Variants in KAT2B observed in about 807,000 individuals in gnomAD.
The protein encoded by KAT2B is lysine acetyltransferase 2B, also known as histone acetyltransferase KAT2B.
A neutral mutation model predicts 105.9 loss-of-function variants in KAT2B; 36 were observed. The observed-to-expected ratio is 0.34, with a 90% CI of 0.26 to 0.45. The LOEUF is 0.45. Ranked by LOEUF, KAT2B falls within the 20% of genes least tolerant of loss-of-function variation. The pLI, the probability that KAT2B is intolerant of heterozygous loss-of-function variation, is 1.00. For missense variants in KAT2B, 820 were observed against 1,021.6 expected (o/e 0.80, Z 2.69); for synonymous variants, 397 against 377.9 (o/e 1.05, Z -0.59).
At chr3:20,086,267 T>G (rs922210819) in intron 2 of KAT2B, among the ~76,000 whole-genome samples, 1 of 151,212 alleles carries the variant, frequency 6.6e-6, no homozygotes, top group Non-Finnish European at 1.5e-5. Flanking sequence ...AGTGAGACAC[T>G]GTCTCAAAGA....
chr3:20,107,011 ATATATT>A (rs1699030228), intron 5 of KAT2B, among the ~76,000 whole-genome samples: 1 of 24,892 alleles, frequency 4.0e-5, no homozygotes. Context: ...ATATATATAT[ATATATT>A]TTTTTTTTTT....
chr3:20,045,411 C>G (rs1489334086), intron 1 of KAT2B, among the ~76,000 whole-genome samples: 2 of 151,638 alleles, frequency 1.3e-5, no homozygotes, highest in African/African-American at 4.8e-5. Context: ...GGTACACTGG[C>G]ACGATCATAG....
intron 7 of KAT2B, among the ~76,000 whole-genome samples, chr3:20,118,314 AT>A (rs1699242951): frequency 7.0e-6 from 1 of 143,670 alleles, no homozygotes; most frequent in Non-Finnish European, 1.5e-5. Context: ...AGGTATATAT[AT>A]TTTCTCCTAA....
chr3:20,147,692 T>C (rs1699802275), intron 14 of KAT2B, among the ~76,000 whole-genome samples: 1 of 152,190 alleles, frequency 6.6e-6, no homozygotes, highest in South Asian at 2.1e-4. Flanking sequence ...AGGCCCACAG[T>C]ACTGTACATA....
Position 20,040,505 on chromosome 3 carries a change from G to C in KAT2B, c.28G>C (p.Gly10Arg). The C allele has an allele frequency of 9.7e-7, 1 of 1,029,508 alleles. No homozygotes were observed. The highest frequency in any genetic ancestry group is 1.2e-6 in the Non-Finnish European group (1 of 859,328). 63.8% of individuals were successfully genotyped at this position (1,029,508 alleles called of 1,614,324 possible). Reference protein sequence around the residue: MSEAGGAGPGGCGAGAGAGA... With the variant: MSEAGGAGPRGCGAGAGAGA... The stretch of plus-strand genomic sequence containing the variant: ...GTCCGAGGCTGGCGGGGCCGGGCCG[G>C]GCGGCTGCGGGGCAGGAGCCGGGGC... The change falls in exon 1 of 18, where the codon GGC becomes CGC. Residue 10 changes from glycine to arginine, a missense_variant. Transcript: ENST00000263754.
At chr3:20,041,735 GAC>G (rs1239464820) in intron 1 of KAT2B, among the ~76,000 whole-genome samples, 1 of 152,120 alleles carries the variant, frequency 6.6e-6, no homozygotes. Context: ...GCAGGGAAGA[GAC>G]ACACTCACAC....
At chr3:20,144,127 A>G (rs1413783406) in intron 13 of KAT2B, among the ~76,000 whole-genome samples, 2 of 152,066 alleles carry the variant, frequency 1.3e-5, no homozygotes, top group African/African-American at 4.8e-5. Flanking sequence ...GGAGCCCACA[A>G]TCTTTAAGGT....
At chr3:20,087,256 A>T (rs186925482) in intron 2 of KAT2B, among the ~76,000 whole-genome samples, 1 of 152,208 alleles carries the variant, frequency 6.6e-6, no homozygotes, top group Non-Finnish European at 1.5e-5. Context: ...TGGATATGCT[A>T]ATTACACTGA....
rs1005282094 is a variant in KAT2B at position 20,045,925 on chromosome 3, C to T, written c.303+5145C>T. Reference sequence around the variant, plus strand: ...GCAAGCCCTCAGAAGGTAGGGGAGACGCTGTTAACTTGAAAGTCAAGTAAG... The same window carrying T: ...GCAAGCCCTCAGAAGGTAGGGGAGATGCTGTTAACTTGAAAGTCAAGTAAG... On this transcript the variant is annotated intron_variant, in intron 1 of 17. Coordinates refer to ENST00000263754, the MANE Select transcript of KAT2B (RefSeq NM_003884.5). 1.1e-4 allele frequency among the ~76,000 whole-genome samples: 17 copies of T among 152,176 alleles called. No homozygotes were observed. In the East Asian group the frequency reaches 1.5e-3, roughly 14 times the overall value.
chr3:20,068,516 A>G (rs1266460383), intron 1 of KAT2B, among the ~76,000 whole-genome samples: 1 of 151,554 alleles, frequency 6.6e-6, no homozygotes, highest in Non-Finnish European at 1.5e-5. Flanking sequence ...ACCCTCTGCT[A>G]AGTTCCCTGT....
chr3:20,059,264 T>A (rs1441297909), intron 1 of KAT2B, among the ~76,000 whole-genome samples: 1 of 151,024 alleles, frequency 6.6e-6, no homozygotes, highest in Non-Finnish European at 1.5e-5. Context: ...AATACAAAAA[T>A]TAGCCAGGCG....
In KAT2B at chr3:20,136,938, A is replaced by G. The variant is rs753142128; in HGVS notation, c.1750-4A>G. 3.2e-6 allele frequency: 5 copies of G among 1,554,638 alleles called. No individual in the cohort carries two copies. The highest frequency in any genetic ancestry group is 3.5e-6 in the Non-Finnish European group (4 of 1,127,768). On this transcript the variant is annotated splice_polypyrimidine_tract_variant and splice_region_variant and intron_variant, in intron 11 of 17. Coordinates refer to ENST00000263754, the MANE Select transcript of KAT2B (RefSeq NM_003884.5). Reference sequence around the variant, plus strand: ...TATTTGTTTGTATACTAACTTCCACACAGGGCTATGGAACACACCTGATGA... The same window carrying G: ...TATTTGTTTGTATACTAACTTCCACGCAGGGCTATGGAACACACCTGATGA...
In KAT2B at chr3:20,153,729, C is replaced by T. The variant is rs1030058760; in HGVS notation, c.*1204C>T. The T allele has an allele frequency of 6.6e-6, 1 of 152,558 alleles. No homozygotes were observed. Among genetic ancestry groups the T allele is most frequent in the African/African-American group, 2.4e-5 (1 of 41,426 alleles). The allele number at this position is 152,558 out of a possible 1,614,324, so 9.5% of individuals were successfully genotyped here. A position where few individuals can be genotyped will look rare whatever the true frequency, so the allele number is the denominator to read the frequency against. ...TCTGGGAAAACCAACTAATATACAA[C>T]CATATAAATGAAGGCCATCTTGATG... On this transcript the variant is annotated 3_prime_UTR_variant, in exon 18 of 18. Coordinates refer to ENST00000263754, the MANE Select transcript of KAT2B (RefSeq NM_003884.5).
chr3:20,044,107 T>G (rs1697765009), intron 1 of KAT2B, among the ~76,000 whole-genome samples: 1 of 151,740 alleles, frequency 6.6e-6, no homozygotes, highest in Admixed American at 6.6e-5. Context: ...ACAAACAAAC[T>G]TGTTTCGCAG....
chr3:20,101,313 A>G lies in KAT2B; in HGVS notation c.696A>G (p.Lys232=), dbSNP rs909276677. ...EQGVNNFVQY[K]FSHLPAKERQ... ...GTGTGAATAACTTTGTGCAGTACAA[A>G]TTTAGTCACCTGCCAGCAAAAGAAA... The change falls in exon 5 of 18, where the codon AAA becomes AAG. Residue 232 remains lysine, a synonymous_variant. Transcript: ENST00000263754. 3.1e-6 allele frequency: 5 copies of G among 1,613,964 alleles called. No homozygotes were observed. In the African/African-American group the frequency reaches 5.3e-5, roughly 17 times the overall value.
At chr3:20,045,596 T>C (rs1697795912) in intron 1 of KAT2B, among the ~76,000 whole-genome samples, 1 of 152,078 alleles carries the variant, frequency 6.6e-6, no homozygotes, top group African/African-American at 2.4e-5. Flanking sequence ...TGAATTAAAG[T>C]ATATCATCTA....
At chr3:20,099,813 C>T in intron 3 of KAT2B, 49 bp from the exon 4 acceptor site, 1 of 906,796 alleles carries the variant, frequency 1.1e-6, no homozygotes, top group Non-Finnish European at 1.8e-6. Context: ...GAGAGATAGA[C>T]ATACCAATTA....
chr3:20,043,163 C>A (rs1421991185), intron 1 of KAT2B, among the ~76,000 whole-genome samples: 1 of 152,120 alleles, frequency 6.6e-6, no homozygotes, highest in Non-Finnish European at 1.5e-5. Context: ...CCTTGCTTCC[C>A]AAAGTGCTGA....
At position 20,119,582 on chromosome 3, in the gene KAT2B, C is replaced by G. The variant is rs767572232; in HGVS notation, c.1151-16C>G. ...AGTCAGTCATCTAACACCTTCTTCT[C>G]CTTTTGCCGGGGCAGTTATCAATCC... On this transcript the variant is annotated splice_polypyrimidine_tract_variant and intron_variant, in intron 7 of 17. Coordinates refer to ENST00000263754, the MANE Select transcript of KAT2B (RefSeq NM_003884.5). 6.2e-7 allele frequency: 1 copy of G among 1,613,654 alleles called. No homozygotes were observed. Among genetic ancestry groups the G allele is most frequent in the Non-Finnish European group, 8.5e-7 (1 of 1,179,778 alleles).
Sources: allele counts gnomAD v4.1 joint callset (sites outside exome capture counted in the v4.1 genomes callset), GRCh38; gene constraint gnomAD v4.1.1; transcripts MANE v1.5; gene names NCBI Gene and HGNC (gene_info 2026-07-23, HGNC 2026-07-21).